CAMTA1: variants seen among roughly 807,000 people sequenced by gnomAD.
The protein encoded by CAMTA1 is calmodulin binding transcription activator 1, also known as calmodulin-binding transcription activator 1.
CAMTA1 carries 27 observed loss-of-function variants against 170.9 expected under a neutral mutation model. That is an observed-to-expected ratio of 0.16 (90% CI 0.12 to 0.22). The LOEUF (loss-of-function observed/expected upper bound fraction) is 0.22. Ranked by LOEUF, CAMTA1 falls within the 10% of genes least tolerant of loss-of-function variation. CAMTA1 has a pLI of 1.00. For synonymous variants in CAMTA1, 833 were observed against 891.5 expected, an observed-to-expected ratio of 0.93 and a Z score of 1.17; for missense variants, 1,619 against 2,217.2, an observed-to-expected ratio of 0.73 and a Z score of 5.42.
intron 11 of CAMTA1, 94 bp downstream of exon 11, chr1:7,677,827 G>C: frequency 7.0e-7 from 1 of 1,435,008 alleles, no homozygotes; most frequent in Non-Finnish European, 9.4e-7. Context: ...TAAGCACCCA[G>C]AAAGGGGCAG....
intron 5 of CAMTA1, among the ~76,000 whole-genome samples, chr1:7,323,457 C>G (rs575913634): frequency 2.7e-4 from 41 of 150,378 alleles, no homozygotes; most frequent in Admixed American, 2.1e-3. Flanking sequence ...ATTGTGCTTC[C>G]TTAGTACTCC....
intron 1 of CAMTA1, among the ~76,000 whole-genome samples, chr1:6,798,046 C>A (rs1642957476): frequency 6.7e-6 from 1 of 148,962 alleles, no homozygotes; most frequent in Non-Finnish European, 1.5e-5. Flanking sequence ...CCCCAGGCTG[C>A]AGTGCGATGG....
intron 6 of CAMTA1, among the ~76,000 whole-genome samples, chr1:7,502,246 G>A (rs768004538): frequency 6.6e-6 from 1 of 152,208 alleles, no homozygotes; most frequent in Non-Finnish European, 1.5e-5. Context: ...CTGGCCAACG[G>A]CAAGCCTAAA....
chr1:7,112,065 G>T (rs549586495), intron 4 of CAMTA1, among the ~76,000 whole-genome samples: 4 of 152,154 alleles, frequency 2.6e-5, no homozygotes, highest in Admixed American at 6.5e-5. Context: ...TGTCCAGAAG[G>T]GGGTGTTGGT....
intron 16 of CAMTA1, among the ~76,000 whole-genome samples, chr1:7,742,512 A>G (rs897601031): frequency 2.6e-5 from 4 of 152,220 alleles, no homozygotes; most frequent in Non-Finnish European, 4.4e-5. Context: ...TAGGACACGA[A>G]GAAAATTTGA....
rs2150297282 is a variant in CAMTA1, at chr1:7,565,811, A to G, written c.511-74589A>G. On this transcript the variant is annotated intron_variant, in intron 6 of 22. Transcript: ENST00000303635. This position sits in a 1 kb window ranked among gnomAD's most constrained non-coding sequence, Gnocchi z 4.5. ...TTAAACAGTAGACATTTACACTCTC[A>G]CAGTTCTGGAAGCTGGAGGGCCAAG... Among the ~76,000 whole-genome samples the G allele has an allele frequency of 6.6e-6, 1 of 152,182 alleles. No individual in the cohort carries two copies. Among genetic ancestry groups the G allele is most frequent in the East Asian group, 1.9e-4 (1 of 5,160 alleles).
chr1:6,966,291 A>G (rs1691534080), intron 3 of CAMTA1, among the ~76,000 whole-genome samples: 1 of 152,148 alleles, frequency 6.6e-6, no homozygotes, highest in Admixed American at 6.5e-5. Flanking sequence ...CTATTTTAGG[A>G]CATTTGTGTT....
intron 6 of CAMTA1, among the ~76,000 whole-genome samples, chr1:7,503,209 CG>C (rs1292434560): frequency 2.0e-5 from 3 of 152,190 alleles, no homozygotes; most frequent in African/African-American, 7.2e-5. Context: ...AAAAGTGCCC[CG>C]GGCTCTGCTG....
chr1:6,836,998 CGCAATCTCGGCTCACT>C (rs1653480135), intron 3 of CAMTA1, among the ~76,000 whole-genome samples: 1 of 148,090 alleles, frequency 6.8e-6, no homozygotes, highest in African/African-American at 2.5e-5. Context: ...AGTGCAGTGG[CGCAATCTCGGCTCACT>C]GCAATCTCCG....
chr1:7,494,698 G>T (rs1414263549), intron 6 of CAMTA1, among the ~76,000 whole-genome samples: 1 of 152,170 alleles, frequency 6.6e-6, no homozygotes, highest in Non-Finnish European at 1.5e-5. Flanking sequence ...CAGCTACTCA[G>T]GAGGCTGAGG....
chr1:7,310,680 C>CTT lies in CAMTA1; in HGVS notation c.438+61055_438+61056insTT, dbSNP rs71571884. Among the ~76,000 whole-genome samples, 189 of 35,340 alleles carry CTT rather than the reference C, an allele frequency of 5.3e-3. 13 individuals carry two copies. The highest frequency in any genetic ancestry group is 0.013 in the African/African-American group (80 of 6,328). The allele number at this position is 35,340 out of a possible 152,430, so 23.2% of individuals were successfully genotyped here. On this transcript the variant is annotated intron_variant, in intron 5 of 22. Transcript: ENST00000303635. ...CTTTCTTTCTTTCTTTCCTTTCTTT[C>CTT]TCTCTCTCTCTCTCTCTCTCTCTTT...
chr1:7,513,953 A>G (rs1575736916), intron 6 of CAMTA1, among the ~76,000 whole-genome samples: 2 of 151,918 alleles, frequency 1.3e-5, no homozygotes, highest in African/African-American at 4.8e-5. Flanking sequence ...ACACATACAC[A>G]CACACACACA....
chr1:7,248,625 T>C lies in CAMTA1; in HGVS notation c.303-866T>C, dbSNP rs1488803030. On this transcript the variant is annotated intron_variant, in intron 4 of 22. Coordinates refer to ENST00000303635, the MANE Select transcript of CAMTA1 (RefSeq NM_015215.4). This position sits in a 1 kb window ranked among gnomAD's most constrained non-coding sequence, Gnocchi z 4.0. ...CAGCTGCTAGAGGGGTTTAGTTCTT[T>C]CTCTCCTTGGGGTTTCCAAACCCAA... is the stretch of plus-strand genomic sequence containing the variant. Among the ~76,000 whole-genome samples the C allele has an allele frequency of 6.6e-6, 1 of 152,082 alleles. No individual in the cohort carries two copies. Among genetic ancestry groups the C allele is most frequent in the African/African-American group, 2.4e-5 (1 of 41,404 alleles).
chr1:7,123,329 G>A (rs935186707), intron 4 of CAMTA1, among the ~76,000 whole-genome samples: 1 of 151,998 alleles, frequency 6.6e-6, no homozygotes, highest in African/African-American at 2.4e-5. Flanking sequence ...CTGCCTCCGT[G>A]TCCAATTCTC....
chr1:7,327,366 C>T (rs1184835923), intron 5 of CAMTA1, among the ~76,000 whole-genome samples: 3 of 141,436 alleles, frequency 2.1e-5, no homozygotes, highest in African/African-American at 8.0e-5. Context: ...GAGATCACGC[C>T]ACTGCACTCC....
intron 4 of CAMTA1, among the ~76,000 whole-genome samples, chr1:7,244,244 G>T (rs1665385785): frequency 1.3e-5 from 2 of 152,168 alleles, no homozygotes; most frequent in Admixed American, 6.5e-5. Flanking sequence ...GGAAACAACA[G>T]GTGCTGGAGA....
chr1:7,711,384 A>G (rs772190762), intron 11 of CAMTA1, among the ~76,000 whole-genome samples: 3 of 152,090 alleles, frequency 2.0e-5, no homozygotes, highest in Non-Finnish European at 4.4e-5. Flanking sequence ...TCCCCAAGGA[A>G]GAAGTAAGGT....
intron 3 of CAMTA1, among the ~76,000 whole-genome samples, chr1:6,994,200 C>T (rs1026000764): frequency 7.9e-5 from 12 of 151,990 alleles, no homozygotes; most frequent in Non-Finnish European, 1.5e-4. Context: ...TTGCTTTAAA[C>T]AGCCACATGT....
intron 1 of CAMTA1, among the ~76,000 whole-genome samples, chr1:6,809,314 A>G (rs1159541996): frequency 1.3e-5 from 2 of 152,156 alleles, no homozygotes; most frequent in Non-Finnish European, 2.9e-5. Flanking sequence ...GACGTGAGCC[A>G]CCGCGCCTGG....
Sources: allele counts gnomAD v4.1 joint callset (sites outside exome capture counted in the v4.1 genomes callset), GRCh38; gene constraint gnomAD v4.1.1; non-coding constraint Gnocchi (gnomAD v3.1); transcripts MANE v1.5; gene names NCBI Gene and HGNC (gene_info 2026-07-23, HGNC 2026-07-21).